CCDC170: variants seen among roughly 807,000 people sequenced by gnomAD.
CCDC170 encodes the protein coiled-coil domain-containing protein 170.
CCDC170 carries 69 observed loss-of-function variants against 72.6 expected under a neutral mutation model. The observed-to-expected ratio is 0.95, with a 90% CI of 0.78 to 1.16. The LOEUF is 1.16. Ranked by LOEUF, CCDC170 falls within the 50% of genes most tolerant of loss-of-function variation. The pLI, the probability that CCDC170 is intolerant of heterozygous loss-of-function variation, is 0.00. For synonymous variants in CCDC170, 300 were observed against 303.9 expected, an observed-to-expected ratio of 0.99 and a Z score of 0.13; for missense variants, 852 against 832.5, an observed-to-expected ratio of 1.02 and a Z score of -0.29.
At chr6:151,518,293 T>G (rs1782266129) in intron 1 of CCDC170, among the ~76,000 whole-genome samples, 1 of 151,968 alleles carries the variant, frequency 6.6e-6, no homozygotes, top group Admixed American at 6.6e-5. Flanking sequence ...CTCCAGGGGG[T>G]GGGATCTTGG....
At chr6:151,591,467 G>GT (rs904269645) in intron 7 of CCDC170, among the ~76,000 whole-genome samples, 2 of 151,756 alleles carry the variant, frequency 1.3e-5, no homozygotes, top group African/African-American at 2.4e-5. Flanking sequence ...GTTTTAGGGG[G>GT]GAGGTGTTCA....
chr6:151,594,486 A>G (rs995711312), intron 8 of CCDC170, among the ~76,000 whole-genome samples: 4 of 152,314 alleles, frequency 2.6e-5, no homozygotes, highest in Non-Finnish European at 5.9e-5. Context: ...TATTACCATT[A>G]GAGACATTAA....
At position 151,577,925 on chromosome 6, in the gene CCDC170, C is replaced by T. The variant is rs868363856; in HGVS notation, c.1092+4434C>T. On this transcript the variant is annotated intron_variant, in intron 6 of 10. Transcript: ENST00000239374. ...ATTCTGACACAAAAATTGTCATCCACGAAACCAGTCTCTGGTGACAAAAAG... is the reference window on the plus strand; with the variant it reads ...ATTCTGACACAAAAATTGTCATCCATGAAACCAGTCTCTGGTGACAAAAAG... Among the ~76,000 whole-genome samples the T allele has an allele frequency of 2.6e-5, 4 of 152,190 alleles. No homozygotes were observed. In the South Asian group the frequency reaches 6.2e-4, roughly 24 times the overall value.
intron 9 of CCDC170, among the ~76,000 whole-genome samples, chr6:151,613,596 G>GT (rs766806643): frequency 2.0e-5 from 3 of 152,066 alleles, no homozygotes; most frequent in Non-Finnish European, 4.4e-5. Context: ...TAGAATATGT[G>GT]TTTTTTTGCA....
Position 151,502,251 on chromosome 6 carries a change from T to G in CCDC170, c.57+8066T>G, listed in dbSNP as rs537416554. Among the ~76,000 whole-genome samples, 21 of 152,306 alleles carry G rather than the reference T, an allele frequency of 1.4e-4. No homozygotes were observed. In the South Asian group the frequency reaches 4.3e-3, roughly 32 times the overall value. On this transcript the variant is annotated intron_variant, in intron 1 of 10. Transcript: ENST00000239374. ...TCACGCCACTGCACTCCAGGCTGTGTGCAGAGCAAGACTTTGACTCTAAAA... is the reference window on the plus strand; with the variant it reads ...TCACGCCACTGCACTCCAGGCTGTGGGCAGAGCAAGACTTTGACTCTAAAA...
At chr6:151,522,233 C>G (rs1245587721) in intron 1 of CCDC170, among the ~76,000 whole-genome samples, 1 of 152,066 alleles carries the variant, frequency 6.6e-6, no homozygotes, top group African/African-American at 2.4e-5. Flanking sequence ...CAAAGATTAA[C>G]AATCCTTTAT....
chr6:151,546,017 G>T (rs935916722), intron 4 of CCDC170, among the ~76,000 whole-genome samples: 1 of 151,916 alleles, frequency 6.6e-6, no homozygotes, highest in Non-Finnish European at 1.5e-5. Flanking sequence ...GGCTCAAGCG[G>T]TTCTCCCACC....
intron 6 of CCDC170, among the ~76,000 whole-genome samples, chr6:151,577,617 T>C (rs929887138): frequency 7.1e-5 from 4 of 56,268 alleles, no homozygotes; most frequent in African/African-American, 3.7e-4. Context: ...AGGGGCTCTG[T>C]GGGAGCTGTG....
At chr6:151,516,695 C>T (rs1036888080) in intron 1 of CCDC170, among the ~76,000 whole-genome samples, 2 of 152,160 alleles carry the variant, frequency 1.3e-5, no homozygotes, top group Admixed American at 6.5e-5. Context: ...AAAAACTGGT[C>T]AGCTCTAGAC....
chr6:151,509,222 GTATCTATCTATCTATC>G (rs59062141), intron 1 of CCDC170, among the ~76,000 whole-genome samples: 10 of 127,344 alleles, frequency 7.9e-5, no homozygotes, highest in African/African-American at 2.6e-4. Context: ...ATCTATCTAT[GTATCTATCTATCTATC>G]TATCTATCTA....
chr6:151,580,849 A>G (rs1776369675), intron 6 of CCDC170, among the ~76,000 whole-genome samples: 1 of 152,262 alleles, frequency 6.6e-6, no homozygotes, highest in African/African-American at 2.4e-5. Context: ...GCGACAAAGC[A>G]AGTGTCACAA....
chr6:151,530,710 C>T (rs568577408), intron 1 of CCDC170, among the ~76,000 whole-genome samples: 24 of 152,048 alleles, frequency 1.6e-4, no homozygotes, highest in Non-Finnish European at 3.1e-4. Flanking sequence ...GCTAGGATTA[C>T]AGGTGTGAGC....
chr6:151,519,378 C>T (rs1034573128), intron 1 of CCDC170, among the ~76,000 whole-genome samples: 6 of 152,140 alleles, frequency 3.9e-5, no homozygotes, highest in African/African-American at 1.4e-4. Flanking sequence ...GGCAGTCAGA[C>T]CCTATGGTTG....
At chr6:151,568,151 A>T (rs1200457762) in intron 5 of CCDC170, among the ~76,000 whole-genome samples, 1 of 141,968 alleles carries the variant, frequency 7.0e-6, no homozygotes, top group Non-Finnish European at 1.5e-5. Context: ...TGGTATTTGG[A>T]TGTTGCATCA....
intron 1 of CCDC170, among the ~76,000 whole-genome samples, chr6:151,510,141 T>C (rs1205353139): frequency 6.7e-6 from 1 of 149,322 alleles, no homozygotes; most frequent in Non-Finnish European, 1.5e-5. Context: ...ATAAAACAAA[T>C]AAACAAACAA....
intron 5 of CCDC170, among the ~76,000 whole-genome samples, chr6:151,552,061 A>G (rs1470271907): frequency 1.3e-5 from 2 of 148,800 alleles, no homozygotes; most frequent in East Asian, 2.0e-4. Flanking sequence ...GTTGTTTTAA[A>G]TAGCATTGAC....
intron 1 of CCDC170, among the ~76,000 whole-genome samples, chr6:151,534,479 G>A (rs563168357): frequency 6.6e-6 from 1 of 152,188 alleles, no homozygotes; most frequent in East Asian, 1.9e-4. Context: ...CATACTATAG[G>A]TGAAATCTCT....
rs374591106 is a variant in CCDC170, at chr6:151,609,275, G to A, written c.1711-6168G>A. On this transcript the variant is annotated intron_variant, in intron 9 of 10. Coordinates refer to ENST00000239374, the MANE Select transcript of CCDC170 (RefSeq NM_025059.4). Reference sequence around the variant, plus strand: ...TCAAAGAGGGACACAGCATCTATTCGGGCCATCAAAAGAATCTCCCACTTT... The same window carrying A: ...TCAAAGAGGGACACAGCATCTATTCAGGCCATCAAAAGAATCTCCCACTTT... Among the ~76,000 whole-genome samples the A allele has an allele frequency of 5.3e-5, 8 of 152,166 alleles. No homozygotes were observed. In the East Asian group the frequency reaches 5.8e-4, roughly 11 times the overall value.
chr6:151,547,484 G>A (rs1673698961), intron 4 of CCDC170, among the ~76,000 whole-genome samples: 1 of 152,154 alleles, frequency 6.6e-6, no homozygotes, highest in African/African-American at 2.4e-5. Flanking sequence ...GAGGGCCATT[G>A]AGGAGAGAGA....
Sources: gnomAD v4.1 joint callset for allele counts (sites outside exome capture counted in the v4.1 genomes callset) on GRCh38, gnomAD v4.1.1 for gene constraint, MANE v1.5 for transcripts, NCBI Gene and HGNC (gene_info 2026-07-23, HGNC 2026-07-21) for gene names.